ARHGAP24: variants seen among roughly 807,000 people sequenced by gnomAD.
ARHGAP24 encodes the protein Rho GTPase activating protein 24, also known as rho GTPase-activating protein 24.
A neutral mutation model predicts 76.4 loss-of-function variants in ARHGAP24; 50 were observed. The ratio of observed to expected loss-of-function variants is 0.65; its 90% confidence interval spans 0.52 to 0.83. The LOEUF (loss-of-function observed/expected upper bound fraction) is 0.83, where lower values mean the gene tolerates loss of function less well. Among genes scored for constraint, ARHGAP24 ranks in the 40% least tolerant of loss-of-function variants. The pLI, the probability that ARHGAP24 is intolerant of heterozygous loss-of-function variation, is 0.00. For synonymous variants in ARHGAP24, 345 were observed against 323.3 expected (o/e 1.07, Z -0.72); for missense variants, 930 against 914.2 (o/e 1.02, Z -0.22).
At chr4:85,704,352 G>A (rs375785297) in intron 2 of ARHGAP24, among the ~76,000 whole-genome samples, 20 of 152,184 alleles carry the variant, frequency 1.3e-4, no homozygotes, top group African/African-American at 4.6e-4. Flanking sequence ...TTCTAAAAAT[G>A]CTTATGAGAA....
intron 3 of ARHGAP24, among the ~76,000 whole-genome samples, chr4:85,915,203 A>G (rs1735311626): frequency 6.6e-6 from 1 of 152,238 alleles, no homozygotes; most frequent in Non-Finnish European, 1.5e-5. Flanking sequence ...ATAATACATT[A>G]TATCATTCTT....
intron 1 of ARHGAP24, among the ~76,000 whole-genome samples, chr4:85,564,407 CGGG>C (rs59660385): frequency 7.7e-6 from 1 of 130,586 alleles, no homozygotes; most frequent in African/African-American, 2.9e-5. Context: ...GTGGGGGGAG[CGGG>C]GGGGATAGCA....
chr4:85,589,307 C>T (rs1030020298), intron 2 of ARHGAP24, among the ~76,000 whole-genome samples: 1 of 152,152 alleles, frequency 6.6e-6, no homozygotes, highest in Non-Finnish European at 1.5e-5. Context: ...GGGTTGACAT[C>T]TAATGTTTCT....
chr4:85,591,779 G>A (rs1469224710), intron 2 of ARHGAP24, among the ~76,000 whole-genome samples: 1 of 152,174 alleles, frequency 6.6e-6, no homozygotes, highest in Non-Finnish European at 1.5e-5. Flanking sequence ...GGAAGTGAGG[G>A]TAAGTCAAAA....
chr4:85,484,685 C>T (rs1264457667), intron 1 of ARHGAP24, among the ~76,000 whole-genome samples: 3 of 152,084 alleles, frequency 2.0e-5, no homozygotes, highest in South Asian at 2.1e-4. Flanking sequence ...GGTGCCATCT[C>T]GGCTCACGGC....
intron 1 of ARHGAP24, among the ~76,000 whole-genome samples, chr4:85,490,876 TC>T (rs1723326867): frequency 6.6e-6 from 1 of 152,208 alleles, no homozygotes; most frequent in African/African-American, 2.4e-5. Context: ...ATAAAAATTT[TC>T]CCCACAGGGA....
In ARHGAP24 at chr4:85,952,031, G is replaced by T. The variant is rs346494; in HGVS notation, c.599+9758G>T. Among the ~76,000 whole-genome samples, 4 of 151,844 alleles carry T rather than the reference G, an allele frequency of 2.6e-5. No homozygotes were observed. In the South Asian group the frequency reaches 6.2e-4, roughly 24 times the overall value. The stretch of plus-strand genomic sequence containing the variant: ...ATTAAAGTTATATTTTGATTATAAC[G>T]TTTTATGTACAATTTAGAATATGGA... On this transcript the variant is annotated intron_variant, in intron 5 of 9. Transcript: ENST00000395184.
intron 1 of ARHGAP24, among the ~76,000 whole-genome samples, chr4:85,540,996 T>TATTAAGCTCAGGAAAGCTTAATATA (rs1454355569): frequency 1.3e-5 from 2 of 152,052 alleles, no homozygotes; most frequent in African/African-American, 4.8e-5. Context: ...TTATAATAGA[T>TATTAAGCTCAGGAAAGCTTAATATA]TTAGGTTCCC....
At chr4:85,810,829 C>T (rs1014263069) in intron 3 of ARHGAP24, among the ~76,000 whole-genome samples, 5 of 152,048 alleles carry the variant, frequency 3.3e-5, no homozygotes, top group African/African-American at 1.2e-4. Context: ...AAATTTGGGA[C>T]ATTGTCACAA....
At chr4:85,964,303 C>T (rs552413392) in intron 5 of ARHGAP24, among the ~76,000 whole-genome samples, 10 of 152,028 alleles carry the variant, frequency 6.6e-5, no homozygotes, top group Non-Finnish European at 1.0e-4. Context: ...AAAAAAAATG[C>T]TAAAAGAGAA....
chr4:85,988,851 A>G lies in ARHGAP24; in HGVS notation c.929-5732A>G, dbSNP rs139821249. ...AGATACAGGTATGTTTAAAAACTAA[A>G]TGAAAGGAAAAAGTTCTACCAAGTT... On this transcript the variant is annotated intron_variant, in intron 8 of 9. Coordinates refer to ENST00000395184, the MANE Select transcript of ARHGAP24 (RefSeq NM_001025616.3). Among the ~76,000 whole-genome samples the G allele has an allele frequency of 1.4e-3, 214 of 151,848 alleles. 1 individual carries two copies. The highest frequency in any genetic ancestry group is 4.2e-3 in the African/African-American group (175 of 41,538).
intron 1 of ARHGAP24, among the ~76,000 whole-genome samples, chr4:85,565,979 G>T (rs1012884957): frequency 1.3e-5 from 2 of 152,084 alleles, no homozygotes; most frequent in Admixed American, 6.5e-5. Flanking sequence ...ACAAACAGTT[G>T]TTGAAACCAG....
At chr4:85,804,598 C>G (rs1281973123) in intron 3 of ARHGAP24, among the ~76,000 whole-genome samples, 3 of 152,036 alleles carry the variant, frequency 2.0e-5, no homozygotes, top group Non-Finnish European at 4.4e-5. Flanking sequence ...AATCCAATTA[C>G]TAAGTCAGAT....
At chr4:85,690,209 CTTCA>C (rs1246791623) in intron 2 of ARHGAP24, among the ~76,000 whole-genome samples, 20,714 of 150,460 alleles carry the variant, frequency 0.14, 1,837 homozygotes, top group East Asian at 0.33. Flanking sequence ...CATTGATATT[CTTCA>C]GAGATATTCA....
intron 2 of ARHGAP24, among the ~76,000 whole-genome samples, chr4:85,603,643 C>T (rs999133294): frequency 6.6e-6 from 1 of 152,166 alleles, no homozygotes; most frequent in Non-Finnish European, 1.5e-5. Flanking sequence ...ATGTGGGTGA[C>T]ATATATTAGA....
intron 2 of ARHGAP24, among the ~76,000 whole-genome samples, chr4:85,661,955 G>A (rs2109992800): frequency 6.6e-6 from 1 of 152,250 alleles, no homozygotes; most frequent in Middle Eastern, 3.4e-3. Context: ...CTTTGCTATT[G>A]TGAATAGTGC....
intron 3 of ARHGAP24, among the ~76,000 whole-genome samples, chr4:85,749,552 T>C (rs1174147106): frequency 6.6e-6 from 1 of 152,002 alleles, no homozygotes; most frequent in Non-Finnish European, 1.5e-5. Context: ...ACAGATACAG[T>C]TTTTTGTTAT....
chr4:85,970,994 A>G (rs1738936376), intron 5 of ARHGAP24, among the ~76,000 whole-genome samples: 2 of 152,202 alleles, frequency 1.3e-5, no homozygotes, highest in Non-Finnish European at 2.9e-5. Context: ...TTATCTTGCC[A>G]CTCACACTCA....
intron 2 of ARHGAP24, among the ~76,000 whole-genome samples, chr4:85,612,401 C>T (rs182099185): frequency 6.6e-6 from 1 of 151,636 alleles, no homozygotes; most frequent in Non-Finnish European, 1.5e-5. Context: ...TGGAGTGAGC[C>T]TCACTGCACT....
Sources: gnomAD v4.1 joint callset for allele counts (sites outside exome capture counted in the v4.1 genomes callset) on GRCh38, gnomAD v4.1.1 for gene constraint, MANE v1.5 for transcripts, NCBI Gene and HGNC (gene_info 2026-07-23, HGNC 2026-07-21) for gene names.